The following EYS variants were observed in gnomAD, a reference collection of about 807,000 sequenced individuals.
EYS encodes the protein EGF-like photoreceptor maintenance factor.
EYS carries 250 observed loss-of-function variants against 282.1 expected under a neutral mutation model. The ratio of observed to expected loss-of-function variants is 0.89; its 90% CI spans 0.80 to 0.98. The LOEUF (loss-of-function observed/expected upper bound fraction) is 0.98. Among genes scored for constraint, EYS ranks in the 50% least tolerant of loss-of-function variants. The probability of loss-of-function intolerance (pLI) is 0.00; values close to 1 mark genes in which losing one functional copy is unlikely to be tolerated. For synonymous variants in EYS, 1,355 were observed against 1,282.9 expected, an observed-to-expected ratio of 1.06 and a Z score of -1.20; for missense variants, 4,016 against 3,709.0, an observed-to-expected ratio of 1.08 and a Z score of -2.15.
At chr6:63,741,918 T>C (rs1219769313) in intron 41 of EYS, 1 of 702,282 alleles carries the variant, frequency 1.4e-6, no homozygotes. Flanking sequence ...CTTACCCTCC[T>C]TCTTCACTTT....
chr6:64,598,810 G>C (rs977211851), intron 24 of EYS, among the ~76,000 whole-genome samples: 2 of 152,170 alleles, frequency 1.3e-5, no homozygotes, highest in African/African-American at 4.8e-5. Flanking sequence ...ATATCAATTA[G>C]TGATAAGTGA....
At chr6:64,532,314 T>C (rs1242902659) in intron 26 of EYS, among the ~76,000 whole-genome samples, 1 of 152,168 alleles carries the variant, frequency 6.6e-6, no homozygotes, top group Non-Finnish European at 1.5e-5. Context: ...TTGAAAGCTG[T>C]GATCAATTAA....
At chr6:65,641,433 G>T (rs1562304489) in intron 1 of EYS, among the ~76,000 whole-genome samples, 3 of 152,174 alleles carry the variant, frequency 2.0e-5, no homozygotes, top group African/African-American at 4.8e-5. Context: ...CCTGGTTTCT[G>T]AGATCTCTGG....
chr6:65,677,504 T>C (rs77477028), intron 1 of EYS, among the ~76,000 whole-genome samples: 53 of 152,056 alleles, frequency 3.5e-4, no homozygotes, highest in African/African-American at 1.3e-3. Flanking sequence ...TTGGGAATTA[T>C]CTTAACCAAG....
At chr6:64,878,621 TC>T (rs1416155998) in intron 19 of EYS, among the ~76,000 whole-genome samples, 2 of 151,684 alleles carry the variant, frequency 1.3e-5, no homozygotes, top group Non-Finnish European at 2.9e-5. Context: ...TCTCTCTCCC[TC>T]CCCCCACTCA....
At chr6:64,892,902 T>C (rs1483502168) in intron 18 of EYS, among the ~76,000 whole-genome samples, 1 of 152,076 alleles carries the variant, frequency 6.6e-6, no homozygotes, top group Non-Finnish European at 1.5e-5. Flanking sequence ...TTTGTAACAG[T>C]GAAGAATTGC....
chr6:63,892,047 G>C (rs779588798), intron 35 of EYS, among the ~76,000 whole-genome samples: 1 of 152,104 alleles, frequency 6.6e-6, no homozygotes, highest in Non-Finnish European at 1.5e-5. Flanking sequence ...TCTTCAAGGA[G>C]AACTACAAAC....
intron 11 of EYS, 68 bp from the exon 12 acceptor site, chr6:65,296,187 A>T (rs1562078924): frequency 1.5e-6 from 2 of 1,337,368 alleles, no homozygotes; most frequent in East Asian, 5.3e-5. Flanking sequence ...AAGTATTTAA[A>T]TCACACATTT....
intron 26 of EYS, among the ~76,000 whole-genome samples, chr6:64,528,844 T>A (rs1353966489): frequency 6.6e-6 from 1 of 152,024 alleles, no homozygotes; most frequent in African/African-American, 2.4e-5. Context: ...ACAGATTTGG[T>A]GAAAATCTTA....
chr6:64,131,783 G>A (rs561725982), intron 31 of EYS, among the ~76,000 whole-genome samples: 27 of 152,276 alleles, frequency 1.8e-4, no homozygotes, highest in Admixed American at 5.2e-4. Context: ...GGAGACTCTT[G>A]CTGAGAGTTA....
chr6:64,002,746 C>T (rs1362241317), intron 33 of EYS, among the ~76,000 whole-genome samples: 1 of 152,136 alleles, frequency 6.6e-6, no homozygotes, highest in Non-Finnish European at 1.5e-5. Flanking sequence ...CTATGTTGCC[C>T]AGGCGGGTCT....
At chr6:65,436,328 T>G (rs951735479) in intron 5 of EYS, among the ~76,000 whole-genome samples, 1 of 152,146 alleles carries the variant, frequency 6.6e-6, no homozygotes, top group Admixed American at 6.6e-5. Context: ...ATTATTTTTT[T>G]CATCATTTTT....
At chr6:65,271,153 T>TATATATATATATATATATATATATAA (rs1562062959) in intron 12 of EYS, among the ~76,000 whole-genome samples, 1 of 131,144 alleles carries the variant, frequency 7.6e-6, no homozygotes, top group Non-Finnish European at 1.6e-5. Flanking sequence ...TATATATATA[T>TATATATATATATATATATATATATAA]GAAGATTTAT....
chr6:64,794,458 A>AC lies in EYS; in HGVS notation c.3443+18919dup, dbSNP rs1336421673. Reference sequence around the variant, plus strand: ...ATCTGGTTGTTTGAAAGTGTGGAGCACCTCCCCCTTCTCTCACTCTCTCTT... The same window carrying AC: ...ATCTGGTTGTTTGAAAGTGTGGAGCACCCTCCCCCTTCTCTCACTCTCTCTT... On this transcript the variant is annotated intron_variant, in intron 22 of 42. Transcript: ENST00000503581. Among the ~76,000 whole-genome samples the AC allele has an allele frequency of 2.0e-5, 3 of 151,568 alleles. No homozygotes were observed. In the East Asian group the frequency reaches 5.8e-4, roughly 29 times the overall value.
chr6:64,688,553 C>G (rs1009858687), intron 22 of EYS, among the ~76,000 whole-genome samples: 3 of 152,084 alleles, frequency 2.0e-5, no homozygotes, highest in African/African-American at 4.8e-5. Flanking sequence ...TTTCTTAATC[C>G]TGAGTTCTAG....
At chr6:65,152,092 T>G (rs545909992) in intron 12 of EYS, among the ~76,000 whole-genome samples, 48 of 152,116 alleles carry the variant, frequency 3.2e-4, no homozygotes, top group African/African-American at 1.1e-3. Flanking sequence ...AGCATAATAT[T>G]TCCTAATGTT....
intron 31 of EYS, among the ~76,000 whole-genome samples, chr6:64,108,507 C>CTTTTTTTTTT (rs530004392): frequency 2.6e-5 from 3 of 116,850 alleles, no homozygotes; most frequent in African/African-American, 9.7e-5. Flanking sequence ...TCCACTACTG[C>CTTTTTTTTTT]TTTTTTTTTT....
At chr6:64,315,794 T>A (rs746882274) in intron 29 of EYS, among the ~76,000 whole-genome samples, 5 of 151,142 alleles carry the variant, frequency 3.3e-5, no homozygotes, top group Non-Finnish European at 5.9e-5. Flanking sequence ...AATATCCCTA[T>A]GAACATCGAT....
chr6:64,304,205 C>T (rs1769351475), intron 30 of EYS, among the ~76,000 whole-genome samples: 1 of 152,192 alleles, frequency 6.6e-6, no homozygotes, highest in Non-Finnish European at 1.5e-5. Context: ...TGTCCCTGTA[C>T]ATCTTTCATC....
Sources: allele counts gnomAD v4.1 joint callset (sites outside exome capture counted in the v4.1 genomes callset), GRCh38; gene constraint gnomAD v4.1.1; transcripts MANE v1.5; gene names NCBI Gene and HGNC (gene_info 2026-07-23, HGNC 2026-07-21).